Variants in CDC42SE2 observed in about 807,000 individuals in gnomAD.
CDC42SE2 encodes CDC42 small effector 2.
Under a neutral mutation model 11.5 loss-of-function variants are expected in CDC42SE2, and 3 were observed. That is an observed-to-expected ratio of 0.26 (90% CI 0.12 to 0.67). The LOEUF is 0.67. Ranked by LOEUF, CDC42SE2 falls within the 30% of genes least tolerant of loss-of-function variation. CDC42SE2 has a pLI of 0.80. For synonymous variants in CDC42SE2, 33 were observed against 34.8 expected (o/e 0.95, Z 0.18); for missense variants, 82 against 106.8 (o/e 0.77, Z 1.02).
At chr5:131,330,836 T>C (rs570761698) in intron 2 of CDC42SE2, among the ~76,000 whole-genome samples, 178 of 127,992 alleles carry the variant, frequency 1.4e-3, no homozygotes, top group African/African-American at 5.3e-3. Context: ...GGGAAACATA[T>C]AGACCCTGCC....
intron 2 of CDC42SE2, among the ~76,000 whole-genome samples, chr5:131,333,439 T>A (rs572978865): frequency 1.8e-4 from 27 of 152,346 alleles, no homozygotes; most frequent in Middle Eastern, 3.4e-3. Flanking sequence ...AGGATTGACT[T>A]GGCGATGCAG....
At chr5:131,241,548 C>G (rs1446994632), upstream of CDC42SE2, among the ~76,000 whole-genome samples, 1 of 151,990 alleles carries the variant, frequency 6.6e-6, no homozygotes, top group Non-Finnish European at 1.5e-5. Context: ...TACAATTGCC[C>G]TTTTACTCTT....
chr5:131,286,305 A>G (rs1757338626), intron 1 of CDC42SE2, among the ~76,000 whole-genome samples: 1 of 151,008 alleles, frequency 6.6e-6, no homozygotes, highest in Admixed American at 6.6e-5. Flanking sequence ...TCTGGTCTTG[A>G]ACTCCTGGGC....
chr5:131,232,751 A>C, the CDC42SE2 span, among the ~76,000 whole-genome samples: 79 of 150,164 alleles, frequency 5.3e-4, 1 homozygote, highest in South Asian at 4.4e-3. Context: ...AAAAAAAAAA[A>C]AAAACAAAAC....
chr5:131,360,310 G>A (rs1305626401), intron 3 of CDC42SE2, among the ~76,000 whole-genome samples: 1 of 152,176 alleles, frequency 6.6e-6, no homozygotes, highest in Non-Finnish European at 1.5e-5. Flanking sequence ...AGTAGAGACA[G>A]GGTTTCACCA....
intron 1 of CDC42SE2, among the ~76,000 whole-genome samples, chr5:131,287,632 T>C (rs1757368740): frequency 6.6e-6 from 1 of 151,884 alleles, no homozygotes. Flanking sequence ...CCAGCTTTTT[T>C]TTCTTTTTTT....
chr5:131,212,652 C>T, the CDC42SE2 span, among the ~76,000 whole-genome samples: 1 of 152,328 alleles, frequency 6.6e-6, no homozygotes, highest in African/African-American at 2.4e-5. Context: ...ACATCAGTGT[C>T]AGTGTACAGT....
At chr5:131,267,280 G>C (rs892720069) in intron 1 of CDC42SE2, among the ~76,000 whole-genome samples, 5 of 151,704 alleles carry the variant, frequency 3.3e-5, no homozygotes, top group African/African-American at 1.2e-4. Context: ...GATGGTCTCG[G>C]TCTCTTGACC....
intron 3 of CDC42SE2, 38 bp from the exon 4 acceptor site, chr5:131,385,505 A>G (rs769595815): frequency 2.8e-6 from 4 of 1,437,942 alleles, no homozygotes; most frequent in Non-Finnish European, 3.9e-6. Context: ...GTTGCTCATA[A>G]GATCACTTTC....
rs747152132 is a variant in CDC42SE2, at chr5:131,329,879, C to CAAAAAAAAAAAAAAAAAAAAAAAAAA, written c.-286+13753_-286+13778dup. ...GGGCAACAAGAGTGAAACTCCATCTCAAAAAAAAAAAAAAAAAAAAAAAAA... is the reference window on the plus strand; with the variant it reads ...GGGCAACAAGAGTGAAACTCCATCTCAAAAAAAAAAAAAAAAAAAAAAAAAAAAAAAAAAAAAAAAAAAAAAAAAAA... On this transcript the variant is annotated intron_variant, in intron 2 of 4. Coordinates refer to ENST00000505065, the MANE Select transcript of CDC42SE2 (RefSeq NM_001375635.1). Among the ~76,000 whole-genome samples the CAAAAAAAAAAAAAAAAAAAAAAAAAA allele has an allele frequency of 3.0e-4, 17 of 56,622 alleles. 5 individuals are homozygous for CAAAAAAAAAAAAAAAAAAAAAAAAAA. Among genetic ancestry groups the CAAAAAAAAAAAAAAAAAAAAAAAAAA allele is most frequent in the Admixed American group, 4.4e-4 (2 of 4,524 alleles). 37.1% of individuals were successfully genotyped at this position (56,622 alleles called of 152,430 possible). A position where few individuals can be genotyped will look rare whatever the true frequency, so the allele number is the denominator to read the frequency against.
chr5:131,373,916 A>C (rs1750079083), intron 3 of CDC42SE2, among the ~76,000 whole-genome samples: 1 of 152,198 alleles, frequency 6.6e-6, no homozygotes, highest in Non-Finnish European at 1.5e-5. Context: ...TCCAGCAAGT[A>C]AAAGAAAAAT....
chr5:131,245,273 G>A (rs900568904), upstream of CDC42SE2, among the ~76,000 whole-genome samples: 4 of 152,090 alleles, frequency 2.6e-5, no homozygotes, highest in African/African-American at 9.7e-5. Context: ...TCTGTGCTGT[G>A]CCTACTGTTC....
chr5:131,361,788 C>A lies in CDC42SE2; in HGVS notation c.54+2241C>A, dbSNP rs545138387. ...GAGTTGGGCTGCTAGGTGGCCCCAG[C>A]TCTCCTTTAACTGCCCCGGCCAAAC... On this transcript the variant is annotated intron_variant, in intron 3 of 4. Coordinates refer to ENST00000505065, the MANE Select transcript of CDC42SE2 (RefSeq NM_001375635.1). Among the ~76,000 whole-genome samples the A allele has an allele frequency of 2.0e-3, 299 of 152,254 alleles. 1 individual carries two copies. Among genetic ancestry groups the A allele is most frequent in the African/African-American group, 6.9e-3 (288 of 41,536 alleles).
intron 2 of CDC42SE2, among the ~76,000 whole-genome samples, chr5:131,356,765 A>C (rs1749561283): frequency 1.3e-5 from 2 of 152,020 alleles, no homozygotes; most frequent in African/African-American, 2.4e-5. Context: ...AAAATTAGCA[A>C]AGTGTGGCAG....
At chr5:131,244,825 G>T (rs577526105), upstream of CDC42SE2, among the ~76,000 whole-genome samples, 4 of 152,164 alleles carry the variant, frequency 2.6e-5, no homozygotes, top group Non-Finnish European at 4.4e-5. Flanking sequence ...CACTCTGAAG[G>T]GGGGTGGATT....
At chr5:131,275,555 A>G (rs1302030987) in intron 1 of CDC42SE2, among the ~76,000 whole-genome samples, 1 of 152,074 alleles carries the variant, frequency 6.6e-6, no homozygotes, top group Non-Finnish European at 1.5e-5. Context: ...GGGCCTTCCA[A>G]AGTGCTGGGA....
At chr5:131,292,821 A>G (rs1487447814) in intron 1 of CDC42SE2, among the ~76,000 whole-genome samples, 2 of 139,512 alleles carry the variant, frequency 1.4e-5, no homozygotes, top group Non-Finnish European at 3.1e-5. Flanking sequence ...CTGAGGTGGG[A>G]GGATCGCTTG....
At chr5:131,263,409 T>C (rs1756773241), upstream of CDC42SE2, among the ~76,000 whole-genome samples, 1 of 152,206 alleles carries the variant, frequency 6.6e-6, no homozygotes, top group African/African-American at 2.4e-5. Flanking sequence ...AGGGCACTCA[T>C]GTTTCTGATT....
chr5:131,381,673 T>C (rs1331216171), intron 3 of CDC42SE2, among the ~76,000 whole-genome samples: 3 of 152,242 alleles, frequency 2.0e-5, no homozygotes, highest in Admixed American at 1.3e-4. Context: ...TATCCACTTC[T>C]ATCTGTGTTA....
Sources: gnomAD v4.1 joint callset for allele counts (sites outside exome capture counted in the v4.1 genomes callset) on GRCh38, gnomAD v4.1.1 for gene constraint, MANE v1.5 for transcripts, NCBI Gene and HGNC (gene_info 2026-07-23, HGNC 2026-07-21) for gene names.